Variants in MAOA observed in about 807,000 individuals in gnomAD.
MAOA encodes monoamine oxidase A.
A neutral mutation model predicts 42.0 loss-of-function variants in MAOA; 6 were observed. The ratio of observed to expected loss-of-function variants is 0.14; its 90% CI spans 0.08 to 0.28. The LOEUF (loss-of-function observed/expected upper bound fraction) is 0.28, where lower values mean the gene tolerates loss of function less well. Ranked by LOEUF, MAOA falls within the 10% of genes least tolerant of loss-of-function variation. The probability of loss-of-function intolerance (pLI) is 1.00; values close to 1 mark genes in which losing one functional copy is unlikely to be tolerated. For synonymous variants in MAOA, 140 were observed against 154.0 expected, an observed-to-expected ratio of 0.91 and a Z score of 0.67; for missense variants, 262 against 422.3, an observed-to-expected ratio of 0.62 and a Z score of 3.33.
intron 10 of MAOA, among the ~76,000 whole-genome samples, chrX:43,739,375 G>A (rs2033944105): frequency 9.0e-6 from 1 of 111,625 alleles, no homozygotes; most frequent in Non-Finnish European, 1.9e-5. Context: ...AACCTTCCAT[G>A]GAAAATGGTA....
At chrX:43,717,055 G>A (rs2033749521) in intron 5 of MAOA, among the ~76,000 whole-genome samples, 1 of 110,516 alleles carries the variant, frequency 9.0e-6, no homozygotes, top group African/African-American at 3.3e-5. Flanking sequence ...TATTTTCCAG[G>A]TATGACCCAC....
chrX:43,738,467 G>A (rs1357179939), intron 10 of MAOA, among the ~76,000 whole-genome samples: 1 of 111,393 alleles, frequency 9.0e-6, no homozygotes, highest in Non-Finnish European at 1.9e-5. Flanking sequence ...CTACAATGTG[G>A]GTTGATTGGA....
At chrX:43,709,189 C>T (rs995138302) in intron 3 of MAOA, among the ~76,000 whole-genome samples, 2 of 110,611 alleles carry the variant, frequency 1.8e-5, no homozygotes, top group African/African-American at 6.6e-5. Context: ...GCTCCCATTT[C>T]TAAAATGATT....
chrX:43,672,118 T>C (rs909642189), intron 1 of MAOA, among the ~76,000 whole-genome samples: 17 of 111,704 alleles, frequency 1.5e-4, no homozygotes, highest in Non-Finnish European at 3.8e-5. Flanking sequence ...TTTTATTTCA[T>C]TGAGCAGTGG....
At chrX:43,699,569 T>C (rs1388308127) in intron 3 of MAOA, among the ~76,000 whole-genome samples, 1 of 111,602 alleles carries the variant, frequency 9.0e-6, no homozygotes, top group African/African-American at 3.3e-5. Context: ...ATACCACCCA[T>C]TTGTTTTTAG....
At chrX:43,714,583 A>T (rs1187067010) in intron 5 of MAOA, among the ~76,000 whole-genome samples, 2 of 108,289 alleles carry the variant, frequency 1.8e-5, no homozygotes, top group Non-Finnish European at 3.8e-5. Context: ...TATTACCAGG[A>T]TATGTCTTCC....
At chrX:43,729,799 C>T (rs191515809) in intron 6 of MAOA, among the ~76,000 whole-genome samples, 115 of 111,554 alleles carry the variant, frequency 1.0e-3, no homozygotes, top group African/African-American at 3.5e-3. Flanking sequence ...TTATAAAGAA[C>T]TTTGGTGTTG....
At chrX:43,711,172 T>C (rs1223118799) in intron 3 of MAOA, among the ~76,000 whole-genome samples, 1 of 110,911 alleles carries the variant, frequency 9.0e-6, no homozygotes, top group Admixed American at 9.6e-5. Flanking sequence ...AAAAAAAATC[T>C]ATCATTTTCT....
chrX:43,661,551 T>C (rs1375182659), intron 1 of MAOA, among the ~76,000 whole-genome samples: 3 of 110,757 alleles, frequency 2.7e-5, no homozygotes, highest in Non-Finnish European at 5.7e-5. Context: ...CAGTGCTTAA[T>C]TTCCCAATGG....
At chrX:43,675,732 A>C (rs2033388928) in intron 1 of MAOA, among the ~76,000 whole-genome samples, 1 of 112,336 alleles carries the variant, frequency 8.9e-6, no homozygotes, top group Admixed American at 9.4e-5. Context: ...CCTGGGTATC[A>C]GCAGCAGTGG....
At chrX:43,666,709 C>T (rs1300474367) in intron 1 of MAOA, among the ~76,000 whole-genome samples, 1 of 111,114 alleles carries the variant, frequency 9.0e-6, no homozygotes, top group African/African-American at 3.3e-5. Flanking sequence ...CCCCATCATA[C>T]TTAGACCAAA....
chrX:43,700,481 C>A (rs1271144404), intron 3 of MAOA, among the ~76,000 whole-genome samples: 3 of 111,621 alleles, frequency 2.7e-5, no homozygotes, highest in Non-Finnish European at 5.6e-5. Context: ...GTTCACAGTT[C>A]ATAGTTCACA....
chrX:43,660,513 C>T (rs900083744), intron 1 of MAOA, among the ~76,000 whole-genome samples: 7 of 111,417 alleles, frequency 6.3e-5, no homozygotes, highest in African/African-American at 1.6e-4. Context: ...TTAGTCTCAC[C>T]GCCTCGTGTC....
intron 6 of MAOA, among the ~76,000 whole-genome samples, chrX:43,730,719 T>A (rs1047121974): frequency 9.1e-6 from 1 of 110,188 alleles, no homozygotes. Flanking sequence ...AGAACATCAT[T>A]TGGTGGTGAC....
rs1359559983 is a variant in MAOA, at chrX:43,699,549, C to A, written c.306+6121C>A. 2.7e-5 allele frequency among the ~76,000 whole-genome samples: 3 copies of A among 111,308 alleles called. No homozygotes were observed. The East Asian group carries it at 8.5e-4, about 31-fold the overall frequency. ...CGTCCTCTCTAAATAAAAGTAGAGA[C>A]TATAAATATATACCACCCATTTGTT... On this transcript the variant is annotated intron_variant, in intron 3 of 14. Transcript: ENST00000338702.
In MAOA at chrX:43,745,274, G is replaced by GA. The variant is rs2033990767; in HGVS notation, c.*765dup. ...TGTGCAGCTTTCCAGTTGAGCAGAG[G>GA]AAAATAGTGGCAGGACTGTCCCCCA... On this transcript the variant is annotated 3_prime_UTR_variant, in exon 15 of 15. Transcript: ENST00000338702. 8.9e-6 allele frequency: 1 copy of GA among 112,272 alleles called. No individual in the cohort carries two copies. Among genetic ancestry groups the GA allele is most frequent in the Non-Finnish European group, 1.9e-5 (1 of 53,459 alleles). The allele number at this position is 112,272 out of a possible 1,213,427, so 9.3% of individuals were successfully genotyped here.
chrX:43,698,933 C>A (rs963991042), intron 3 of MAOA, among the ~76,000 whole-genome samples: 1 of 111,451 alleles, frequency 9.0e-6, no homozygotes, highest in Admixed American at 9.6e-5. Context: ...TATTTTTACA[C>A]TTGATCTTAG....
intron 1 of MAOA, among the ~76,000 whole-genome samples, chrX:43,661,156 T>A (rs2033230694): frequency 1.8e-5 from 2 of 111,895 alleles, no homozygotes; most frequent in African/African-American, 6.5e-5. Context: ...GAGGTAGCTC[T>A]GGCTCCTTGT....
chrX:43,712,812 C>T lies in MAOA; in HGVS notation c.503+16C>T. ...GCTGGACAAAGTAAGTAGACTTGAC[C>T]ATTCAAAATTTACTTTTTATCTTCC... On this transcript the variant is annotated intron_variant, in intron 5 of 14. Coordinates refer to ENST00000338702, the MANE Select transcript of MAOA (RefSeq NM_000240.4). 8.8e-7 allele frequency: 1 copy of T among 1,130,126 alleles called. No individual in the cohort carries two copies. The highest frequency in any genetic ancestry group is 1.2e-6 in the Non-Finnish European group (1 of 822,152). The allele number at this position is 1,130,126 out of a possible 1,213,427, so 93.1% of individuals were successfully genotyped here. A position where few individuals can be genotyped will look rare whatever the true frequency, so the allele number is the denominator to read the frequency against.
Sources: gnomAD v4.1 joint callset for allele counts (sites outside exome capture counted in the v4.1 genomes callset) on GRCh38, gnomAD v4.1.1 for gene constraint, MANE v1.5 for transcripts, NCBI Gene and HGNC (gene_info 2026-07-23, HGNC 2026-07-21) for gene names.